The following VPS53 variants were observed in gnomAD, a reference collection of about 807,000 sequenced individuals.
VPS53 encodes the protein VPS53 subunit of GARP complex.
In VPS53, 70 loss-of-function variants were observed where a neutral mutation model predicts 107.0. The ratio of observed to expected loss-of-function variants is 0.65; its 90% CI spans 0.54 to 0.80. The LOEUF is 0.80. Ranked by LOEUF, VPS53 falls within the 30% of genes least tolerant of loss-of-function variation. The pLI, the probability that VPS53 is intolerant of heterozygous loss-of-function variation, is 0.00. For missense variants in VPS53, 917 were observed against 1,049.4 expected, an observed-to-expected ratio of 0.87 and a Z score of 1.74; for synonymous variants, 409 against 393.3, an observed-to-expected ratio of 1.04 and a Z score of -0.47.
At chr17:556,050 GAAGATCACTTGAGCCCAGGAGCTC>G (rs1485995262) in intron 15 of VPS53, among the ~76,000 whole-genome samples, 1 of 152,140 alleles carries the variant, frequency 6.6e-6, no homozygotes, top group East Asian at 1.9e-4. Context: ...GCTGAGGCAA[GAAGATCACTTGAGCCCAGGAGCTC>G]AAGACCAGCC....
intron 5 of VPS53, among the ~76,000 whole-genome samples, chr17:660,498 G>T (rs983221402): frequency 1.3e-5 from 2 of 152,162 alleles, no homozygotes; most frequent in South Asian, 4.1e-4. Context: ...GTTGGAAGAG[G>T]AAGCATACTC....
chr17:559,036 T>C (rs1161647117), intron 15 of VPS53, among the ~76,000 whole-genome samples: 1 of 151,950 alleles, frequency 6.6e-6, no homozygotes, highest in Non-Finnish European at 1.5e-5. Context: ...TATAGTCCCT[T>C]AAAGAGAAAT....
chr17:595,623 G>A (rs1410377435), intron 12 of VPS53, among the ~76,000 whole-genome samples: 35 of 79,532 alleles, frequency 4.4e-4, no homozygotes, highest in Non-Finnish European at 5.9e-4. Context: ...CCTGGAGGAA[G>A]CTGGGAGATG....
intron 12 of VPS53, among the ~76,000 whole-genome samples, chr17:595,872 C>G (rs71355281): frequency 4.0e-4 from 41 of 102,430 alleles, no homozygotes; most frequent in East Asian, 9.2e-4. Context: ...TCAATTTCCT[C>G]GTTTGATGAT....
rs1248774717 is a variant in VPS53 at position 562,582 on chromosome 17, G to GC, written c.1476dup (p.Pro493AlafsTer62). 6.2e-7 allele frequency: 1 copy of GC among 1,613,926 alleles called. No homozygotes were observed. Among genetic ancestry groups the GC allele is most frequent in the Non-Finnish European group, 8.5e-7 (1 of 1,179,976 alleles). ...AAAATGGTGGTCAGGGCGATCATGGGCTCCCCAGTACTGAGCTGAGAGCAT... is the reference window on the plus strand; with the variant it reads ...AAAATGGTGGTCAGGGCGATCATGGGCCTCCCCAGTACTGAGCTGAGAGCAT... On this transcript the variant is annotated frameshift_variant, in exon 14 of 22. Coordinates refer to ENST00000437048, the MANE Select transcript of VPS53 (RefSeq NM_001128159.3). LOFTEE classifies it high-confidence loss of function.
At chr17:689,467 T>A (rs1972703526) in intron 4 of VPS53, among the ~76,000 whole-genome samples, 1 of 40,466 alleles carries the variant, frequency 2.5e-5, no homozygotes, top group Admixed American at 3.0e-4. Flanking sequence ...TGGACTAATT[T>A]TTTTTTTTTT....
At chr17:564,730 C>G (rs1238435445) in intron 13 of VPS53, among the ~76,000 whole-genome samples, 1 of 150,796 alleles carries the variant, frequency 6.6e-6, no homozygotes, top group Non-Finnish European at 1.5e-5. Context: ...AAAAAAAAAA[C>G]AAAAACCAAA....
At chr17:714,552 T>A in intron 1 of VPS53, 71 bp downstream of exon 1, 1 of 1,422,420 alleles carries the variant, frequency 7.0e-7, no homozygotes, top group African/African-American at 1.5e-5. Flanking sequence ...CGCCGCGGCC[T>A]CCCCAGCGCC....
At chr17:706,929 C>T (rs1426910521) in intron 2 of VPS53, among the ~76,000 whole-genome samples, 21 of 152,136 alleles carry the variant, frequency 1.4e-4, no homozygotes, top group Admixed American at 1.4e-3. Flanking sequence ...ATCCCTTGCT[C>T]GTCCTCCACA....
At chr17:550,429 C>G (rs1402282600) in intron 17 of VPS53, among the ~76,000 whole-genome samples, 1 of 152,164 alleles carries the variant, frequency 6.6e-6, no homozygotes, top group Non-Finnish European at 1.5e-5. Flanking sequence ...GTGGGCTAGT[C>G]TCTGTTGCAA....
chr17:526,963 T>G (rs1044148222), intron 19 of VPS53, among the ~76,000 whole-genome samples: 1 of 152,224 alleles, frequency 6.6e-6, no homozygotes. Context: ...AGAAAATTCT[T>G]CAATGAGGTG....
At position 562,584 on chromosome 17, in the gene VPS53, T is replaced by C. The variant is rs1481222914; in HGVS notation, c.1475A>G (p.Glu492Gly). 6.2e-7 allele frequency: 1 copy of C among 1,613,948 alleles called. No homozygotes were observed. Among genetic ancestry groups the C allele is most frequent in the Non-Finnish European group, 8.5e-7 (1 of 1,179,974 alleles). The stretch of plus-strand genomic sequence containing the variant: ...AATGGTGGTCAGGGCGATCATGGGC[T>C]CCCCAGTACTGAGCTGAGAGCATTG... The part of the protein sequence containing the change: ...MVQCSQLSTG[E>G]PMIALTTIFQ... The change falls in exon 14 of 22, where the codon GAG (glutamate) becomes GGG (glycine). Residue 492 changes from glutamate (E) to glycine (G), a missense_variant. Physicochemically the swap from Glu to Gly is moderately conservative, Grantham distance 98. Transcript: ENST00000437048.
rs1284586380 is a variant in VPS53, at chr17:553,363, G to A, written c.1787+17C>T. 6.2e-7 allele frequency: 1 copy of A among 1,612,998 alleles called. No individual in the cohort carries two copies. The highest frequency in any genetic ancestry group is 1.7e-5 in the Admixed American group (1 of 60,006). On this transcript the variant is annotated intron_variant, in intron 16 of 21. Coordinates refer to ENST00000437048, the MANE Select transcript of VPS53 (RefSeq NM_001128159.3). ...GAGAAAGGGCAGGCAGCCAGTAAGTGTGTGCAGGGTACATACGTGCTGAAC... is the reference window on the plus strand; with the variant it reads ...GAGAAAGGGCAGGCAGCCAGTAAGTATGTGCAGGGTACATACGTGCTGAAC...
At chr17:605,360 A>G (rs1337293174) in intron 11 of VPS53, among the ~76,000 whole-genome samples, 1 of 152,190 alleles carries the variant, frequency 6.6e-6, no homozygotes, top group Non-Finnish European at 1.5e-5. Flanking sequence ...TGAGCTGAGT[A>G]AGAAGGAACT....
At chr17:572,235 ACC>A (rs1160097474) in intron 13 of VPS53, among the ~76,000 whole-genome samples, 1 of 130,510 alleles carries the variant, frequency 7.7e-6, no homozygotes, top group African/African-American at 3.0e-5. Flanking sequence ...CCCGGCCGCG[ACC>A]CCGTCTGGGA....
chr17:686,615 G>GT (rs947555844), intron 4 of VPS53, among the ~76,000 whole-genome samples: 10 of 152,204 alleles, frequency 6.6e-5, no homozygotes, highest in African/African-American at 2.4e-4. Flanking sequence ...GCTGAAGGCA[G>GT]TAAGGGGCCT....
At chr17:590,931 T>C (rs1252500591) in intron 12 of VPS53, among the ~76,000 whole-genome samples, 1 of 152,066 alleles carries the variant, frequency 6.6e-6, no homozygotes, top group Non-Finnish European at 1.5e-5. Context: ...TTCTATTGAT[T>C]GGAATAGTTT....
At chr17:700,704 T>C (rs1009692135) in intron 2 of VPS53, among the ~76,000 whole-genome samples, 11 of 152,182 alleles carry the variant, frequency 7.2e-5, no homozygotes, top group African/African-American at 1.9e-4. Context: ...TGGTGCCCCC[T>C]AATGGACAAG....
At chr17:607,855 C>T (rs1356900970) in intron 11 of VPS53, among the ~76,000 whole-genome samples, 1 of 152,106 alleles carries the variant, frequency 6.6e-6, no homozygotes, top group Non-Finnish European at 1.5e-5. Flanking sequence ...GACAGTCAGG[C>T]TGTCTAATTC....
Sources: allele counts gnomAD v4.1 joint callset (sites outside exome capture counted in the v4.1 genomes callset), GRCh38; gene constraint gnomAD v4.1.1; transcripts MANE v1.5; gene names NCBI Gene and HGNC (gene_info 2026-07-23, HGNC 2026-07-21).